SGCZ: variants seen among roughly 807,000 people sequenced by gnomAD.
The protein encoded by SGCZ is sarcoglycan zeta, also known as zeta-sarcoglycan.
Under a neutral mutation model 41.3 loss-of-function variants are expected in SGCZ, and 40 were observed. The ratio of observed to expected loss-of-function variants is 0.97; its 90% CI spans 0.75 to 1.26. The LOEUF is 1.26. Among genes scored for constraint, SGCZ ranks in the 50% most tolerant of loss-of-function variants. The probability of loss-of-function intolerance (pLI) is 0.00; values close to 1 mark genes in which losing one functional copy is unlikely to be tolerated. For missense variants in SGCZ, 552 were observed against 369.8 expected (o/e 1.49, Z -4.04); for synonymous variants, 206 against 137.5 (o/e 1.50, Z -3.49).
intron 1 of SGCZ, among the ~76,000 whole-genome samples, chr8:15,070,802 T>C (rs1805323482): frequency 6.6e-6 from 1 of 152,178 alleles, no homozygotes; most frequent in African/African-American, 2.4e-5. Flanking sequence ...TTCTTATTAT[T>C]TATGGTTTTA....
At chr8:14,576,059 G>A (rs546554847) in intron 1 of SGCZ, among the ~76,000 whole-genome samples, 3 of 151,880 alleles carry the variant, frequency 2.0e-5, no homozygotes, top group Non-Finnish European at 4.4e-5. Flanking sequence ...GAATCTATAC[G>A]CATGTAAGTC....
chr8:14,276,866 T>A (rs1800254414), intron 3 of SGCZ, among the ~76,000 whole-genome samples: 1 of 152,184 alleles, frequency 6.6e-6, no homozygotes, highest in African/African-American at 2.4e-5. Context: ...TAAATAACTT[T>A]GAAAGTTTAC....
chr8:14,441,005 G>A (rs1016153928), intron 2 of SGCZ, among the ~76,000 whole-genome samples: 1 of 151,982 alleles, frequency 6.6e-6, no homozygotes, highest in African/African-American at 2.4e-5. Flanking sequence ...TGATTGCGTT[G>A]ACTGAGATTG....
At chr8:14,254,672 C>G (rs766615283) in intron 3 of SGCZ, among the ~76,000 whole-genome samples, 5 of 152,096 alleles carry the variant, frequency 3.3e-5, no homozygotes, top group Non-Finnish European at 5.9e-5. Flanking sequence ...AAATGTCATC[C>G]TTTCCACTAA....
At chr8:14,446,162 C>T (rs1007718331) in intron 2 of SGCZ, among the ~76,000 whole-genome samples, 4 of 152,122 alleles carry the variant, frequency 2.6e-5, no homozygotes, top group African/African-American at 7.2e-5. Flanking sequence ...ACCACCAGCT[C>T]CAATAACTGA....
intron 1 of SGCZ, among the ~76,000 whole-genome samples, chr8:14,846,511 C>T (rs1396608981): frequency 2.0e-5 from 3 of 151,798 alleles, no homozygotes; most frequent in East Asian, 1.9e-4. Flanking sequence ...ATAGACTCCA[C>T]GGATAACAAA....
At chr8:14,406,880 G>T (rs10102536) in intron 2 of SGCZ, among the ~76,000 whole-genome samples, 1 of 151,974 alleles carries the variant, frequency 6.6e-6, no homozygotes, top group Non-Finnish European at 1.5e-5. Context: ...GCCTCCTTTC[G>T]CAAGGAGCTG....
At chr8:15,078,619 T>G (rs1805631367) in intron 1 of SGCZ, among the ~76,000 whole-genome samples, 2 of 152,070 alleles carry the variant, frequency 1.3e-5, no homozygotes, top group African/African-American at 4.8e-5. Context: ...TTTACAATTA[T>G]CTCCACTTAG....
At chr8:15,122,983 T>C (rs1247597295) in intron 1 of SGCZ, among the ~76,000 whole-genome samples, 2 of 152,196 alleles carry the variant, frequency 1.3e-5, no homozygotes, top group Admixed American at 1.3e-4. Flanking sequence ...TCTATAGGTA[T>C]AGTGTAAGTA....
chr8:14,749,794 T>C (rs571934125), intron 1 of SGCZ, among the ~76,000 whole-genome samples: 39 of 152,284 alleles, frequency 2.6e-4, no homozygotes, highest in Non-Finnish European at 4.3e-4. Context: ...AAGTCTGTGA[T>C]CCTGCCTCCA....
chr8:14,190,084 C>G lies in SGCZ; in HGVS notation c.425-25382G>C, dbSNP rs1261283861. Reference sequence around the variant, plus strand: ...CTGGAGTGCAGTGGCGCCATCTTGACTCGCTGCAAGCTCCGCCTCTGGGGT... The same window carrying G: ...CTGGAGTGCAGTGGCGCCATCTTGAGTCGCTGCAAGCTCCGCCTCTGGGGT... On this transcript the variant is annotated intron_variant, in intron 4 of 7. Transcript: ENST00000382080. Among the ~76,000 whole-genome samples the G allele has an allele frequency of 2.9e-4, 40 of 140,058 alleles. No individual in the cohort carries two copies. In the Admixed American group the frequency reaches 3.1e-3, roughly 11 times the overall value. The allele number at this position is 140,058 out of a possible 152,430, so 91.9% of individuals were successfully genotyped here. A position where few individuals can be genotyped will look rare whatever the true frequency, so the allele number is the denominator to read the frequency against.
chr8:14,776,246 G>A (rs983783511), intron 1 of SGCZ, among the ~76,000 whole-genome samples: 3 of 152,116 alleles, frequency 2.0e-5, no homozygotes, highest in Non-Finnish European at 4.4e-5. Flanking sequence ...TGTCAATGGT[G>A]GGGCCACATG....
At chr8:14,291,223 G>A (rs1800830402) in intron 3 of SGCZ, among the ~76,000 whole-genome samples, 1 of 151,944 alleles carries the variant, frequency 6.6e-6, no homozygotes. Context: ...ATAAGTTCTA[G>A]GTATCTATTG....
chr8:14,976,265 C>T lies in SGCZ; in HGVS notation c.39+261320G>A, dbSNP rs538184834. 2.5e-3 allele frequency among the ~76,000 whole-genome samples: 382 copies of T among 152,008 alleles called. 3 individuals carry two copies. The highest frequency in any genetic ancestry group is 8.9e-3 in the African/African-American group (371 of 41,484). On this transcript the variant is annotated intron_variant, in intron 1 of 7. Transcript: ENST00000382080. Reference sequence around the variant, plus strand: ...TTCAAACTCCTGACCTCAAGTGATCCACCTGCCTTGGCCTCTCAAAGTGCT... The same window carrying T: ...TTCAAACTCCTGACCTCAAGTGATCTACCTGCCTTGGCCTCTCAAAGTGCT...
chr8:14,787,589 G>C (rs2130456978), intron 1 of SGCZ, among the ~76,000 whole-genome samples: 1 of 152,192 alleles, frequency 6.6e-6, no homozygotes, highest in Non-Finnish European at 1.5e-5. Flanking sequence ...GTTCACCCCT[G>C]TAATCCCAGC....
At chr8:14,762,176 C>T (rs898648462) in intron 1 of SGCZ, among the ~76,000 whole-genome samples, 1 of 152,020 alleles carries the variant, frequency 6.6e-6, no homozygotes, top group Non-Finnish European at 1.5e-5. Context: ...ATATTCATTT[C>T]TTTTGAGTAT....
intron 4 of SGCZ, among the ~76,000 whole-genome samples, chr8:14,192,892 C>T (rs1238212775): frequency 1.3e-5 from 2 of 151,954 alleles, no homozygotes; most frequent in Admixed American, 6.6e-5. Flanking sequence ...TGAGACTATA[C>T]TTTATACATT....
At chr8:15,119,144 TA>T (rs1170330200) in intron 1 of SGCZ, among the ~76,000 whole-genome samples, 58 of 152,284 alleles carry the variant, frequency 3.8e-4, no homozygotes, top group Admixed American at 1.7e-3. Context: ...TGTTAGACTC[TA>T]AAGAAAATAT....
intron 7 of SGCZ, among the ~76,000 whole-genome samples, chr8:14,092,443 A>T (rs554756778): frequency 6.6e-6 from 1 of 151,932 alleles, no homozygotes; most frequent in Non-Finnish European, 1.5e-5. Flanking sequence ...AATACTCATA[A>T]AAGTGTGTGG....
Sources: gnomAD v4.1 joint callset for allele counts (sites outside exome capture counted in the v4.1 genomes callset) on GRCh38, gnomAD v4.1.1 for gene constraint, MANE v1.5 for transcripts, NCBI Gene and HGNC (gene_info 2026-07-23, HGNC 2026-07-21) for gene names.